Variants in DIXDC1 observed in about 807,000 individuals in gnomAD.
DIXDC1 encodes dixin.
In DIXDC1, 64 loss-of-function variants were observed where a neutral mutation model predicts 103.1. The ratio of observed to expected loss-of-function variants is 0.62; its 90% CI spans 0.51 to 0.76. DIXDC1 has a LOEUF of 0.76. Among genes scored for constraint, DIXDC1 ranks in the 30% least tolerant of loss-of-function variants. The pLI is 0.00. For missense variants in DIXDC1, 759 were observed against 834.2 expected (o/e 0.91, Z 1.11); for synonymous variants, 266 against 298.5 (o/e 0.89, Z 1.12).
chr11:111,935,585 C>T (rs1204916870), upstream of DIXDC1, among the ~76,000 whole-genome samples: 3 of 152,298 alleles, frequency 2.0e-5, no homozygotes, highest in Non-Finnish European at 2.9e-5. Flanking sequence ...TCATTATGCA[C>T]GTAGATGTAT....
chr11:111,929,026 A>G (rs973328114), intron 1 of DIXDC1, among the ~76,000 whole-genome samples: 1 of 151,896 alleles, frequency 6.6e-6, no homozygotes, highest in Non-Finnish European at 1.5e-5. Flanking sequence ...AAAAGTACCA[A>G]AAATTAGCTG....
At chr11:111,970,447 A>T (rs1555171949) in intron 3 of DIXDC1, among the ~76,000 whole-genome samples, 1 of 152,160 alleles carries the variant, frequency 6.6e-6, no homozygotes, top group Non-Finnish European at 1.5e-5. Context: ...CAATGACCAC[A>T]CACAAAAAAG....
At chr11:111,955,984 G>A (rs1353214697) in intron 1 of DIXDC1, among the ~76,000 whole-genome samples, 1 of 109,724 alleles carries the variant, frequency 9.1e-6, no homozygotes. Flanking sequence ...ATATATATAT[G>A]TGTACACACA....
At chr11:111,928,802 T>C (rs1401722445) in intron 1 of DIXDC1, among the ~76,000 whole-genome samples, 2 of 151,990 alleles carry the variant, frequency 1.3e-5, no homozygotes, top group Non-Finnish European at 2.9e-5. Context: ...ATTAACTCTG[T>C]TTTCAAAGAT....
At chr11:111,971,594 GGA>G (rs1555172069) in intron 3 of DIXDC1, among the ~76,000 whole-genome samples, 2 of 152,176 alleles carry the variant, frequency 1.3e-5, no homozygotes, top group African/African-American at 4.8e-5. Flanking sequence ...TATACCCAAA[GGA>G]AAATAAATCA....
chr11:111,932,015 C>G (rs1428271342), intron 2 of DIXDC1, among the ~76,000 whole-genome samples: 1 of 148,592 alleles, frequency 6.7e-6, no homozygotes, highest in Non-Finnish European at 1.5e-5. Context: ...CACAGGCTAG[C>G]TGGCAGATAA....
At chr11:112,014,727 G>T (rs1369387969) in intron 17 of DIXDC1, among the ~76,000 whole-genome samples, 1 of 152,192 alleles carries the variant, frequency 6.6e-6, no homozygotes, top group East Asian at 1.9e-4. Context: ...CGAACACACA[G>T]TAGGTAATAA....
intron 4 of DIXDC1, 57 bp downstream of exon 4, chr11:111,974,311 T>G (rs1860029191): frequency 6.6e-7 from 1 of 1,508,396 alleles, no homozygotes; most frequent in African/African-American, 1.4e-5. Context: ...CTTCTTCTGT[T>G]AGATGATACA....
chr11:111,957,357 A>G (rs2137489554), intron 1 of DIXDC1, among the ~76,000 whole-genome samples: 1 of 152,380 alleles, frequency 6.6e-6, no homozygotes, highest in East Asian at 1.9e-4. Context: ...GGGAAAAGTG[A>G]TGATGAGAAA....
chr11:111,964,560 G>A lies in DIXDC1; in HGVS notation c.72G>A (p.Gln24=). The A allele has an allele frequency of 1.9e-6, 3 of 1,604,010 alleles. No individual in the cohort carries two copies. The highest frequency in any genetic ancestry group is 2.6e-6 in the Non-Finnish European group (3 of 1,174,956). ...CTTTTATTTTCCAGCAACAGCTGCA[G>A]GCCTATGTGGCCTGGGTGAATGCAC... ...LQEGFNEQQL[Q]AYVAWVNAQL... is the part of the protein sequence containing the mutation. The change falls in exon 2 of 20, where the codon CAG becomes CAA. Residue 24 remains glutamine (Q), a synonymous_variant. Coordinates refer to ENST00000440460, the MANE Select transcript of DIXDC1 (RefSeq NM_001037954.4).
At chr11:111,947,275 A>C (rs2137460245) in intron 1 of DIXDC1, among the ~76,000 whole-genome samples, 1 of 152,294 alleles carries the variant, frequency 6.6e-6, no homozygotes, top group East Asian at 1.9e-4. Flanking sequence ...AAAAATAATG[A>C]GGCCAAAAAA....
Position 111,995,051 on chromosome 11 carries a change from C to G in DIXDC1, c.1470C>G (p.Ser490Arg). The stretch of plus-strand genomic sequence containing the variant: ...ACTACAACAGTCACAACTCTCAAAG[C>G]AATGGTTTTCTCCTTCCAACGGCAG... ...ATNYNSHNSQ[S>R]NGFLLPTAGK... is the part of the protein sequence containing the mutation. The change falls in exon 15 of 20, where the codon AGC becomes AGG. Residue 490 changes from serine to arginine, a missense_variant. Physicochemically the swap from Ser to Arg is moderately radical, Grantham distance 110 (BLOSUM62 -1). Coordinates refer to ENST00000440460, the MANE Select transcript of DIXDC1 (RefSeq NM_001037954.4). 6.2e-7 allele frequency: 1 copy of G among 1,613,812 alleles called. No homozygotes were observed. The highest frequency in any genetic ancestry group is 8.5e-7 in the Non-Finnish European group (1 of 1,179,894).
chr11:112,003,502 GA>G (rs1861131644), intron 17 of DIXDC1, among the ~76,000 whole-genome samples: 1 of 151,844 alleles, frequency 6.6e-6, no homozygotes, highest in Non-Finnish European at 1.5e-5. Context: ...TTAACGTAAA[GA>G]AAAGATAAAT....
intron 1 of DIXDC1, among the ~76,000 whole-genome samples, chr11:111,960,714 A>G (rs1859546119): frequency 6.6e-6 from 1 of 152,168 alleles, no homozygotes; most frequent in South Asian, 2.1e-4. Context: ...AGGAATACTG[A>G]TATACCTTGG....
At chr11:111,980,682 C>T in intron 5 of DIXDC1, 55 bp from the exon 6 acceptor site, 1 of 1,445,392 alleles carries the variant, frequency 6.9e-7, no homozygotes, top group Non-Finnish European at 9.6e-7. Context: ...ATGAAAGCTG[C>T]TTTCTGAACA....
intron 1 of DIXDC1, among the ~76,000 whole-genome samples, chr11:111,961,231 A>G (rs1859567745): frequency 1.3e-5 from 2 of 152,164 alleles, no homozygotes; most frequent in Admixed American, 6.5e-5. Flanking sequence ...CATGGATTGG[A>G]TGTGGTGGAG....
chr11:112,012,322 G>C (rs1375172552), intron 17 of DIXDC1, among the ~76,000 whole-genome samples: 1 of 152,194 alleles, frequency 6.6e-6, no homozygotes, highest in African/African-American at 2.4e-5. Flanking sequence ...AAAATTAACT[G>C]TAAAGTTAGG....
chr11:111,956,105 A>G (rs2137485949), intron 1 of DIXDC1, among the ~76,000 whole-genome samples: 1 of 152,146 alleles, frequency 6.6e-6, no homozygotes, highest in South Asian at 2.1e-4. Flanking sequence ...ACATTATGCT[A>G]ACTGAAATAA....
At chr11:112,016,121 T>TA (rs374652896) in intron 17 of DIXDC1, 1,969 of 142,366 alleles carry the variant, frequency 0.014, 34 homozygotes, top group African/African-American at 0.039. Context: ...GACCCTGTCT[T>TA]AAAAAAAAAA....
Sources: allele counts gnomAD v4.1 joint callset (sites outside exome capture counted in the v4.1 genomes callset), GRCh38; gene constraint gnomAD v4.1.1; transcripts MANE v1.5; gene names NCBI Gene and HGNC (gene_info 2026-07-23, HGNC 2026-07-21).